Variants in MAGI2 observed in about 807,000 individuals in gnomAD.
The protein encoded by MAGI2 is membrane-associated guanylate kinase, WW and PDZ domain-containing protein 2.
MAGI2 carries 35 observed loss-of-function variants against 133.3 expected under a neutral mutation model. That is an observed-to-expected ratio of 0.26 (90% CI 0.20 to 0.35). MAGI2 has a LOEUF of 0.35. Among genes scored for constraint, MAGI2 ranks in the 10% least tolerant of loss-of-function variants. The pLI, the probability that MAGI2 is intolerant of heterozygous loss-of-function variation, is 1.00. For synonymous variants in MAGI2, 729 were observed against 710.6 expected (o/e 1.03, Z -0.41); for missense variants, 1,636 against 1,863.4 (o/e 0.88, Z 2.25).
rs866483395 is a variant in MAGI2, at chr7:78,616,616, G to T, written c.538+10504C>A. On this transcript the variant is annotated intron_variant, in intron 3 of 21. Coordinates refer to ENST00000354212, the MANE Select transcript of MAGI2 (RefSeq NM_012301.4). ...GTGAGAGGGAAACATGTGAGAGAAA[G>T]AGACTCACAATGTTAATGATGAGAA... 1.2e-4 allele frequency: 18 copies of T among 152,238 alleles called. 1 individual carries two copies. Among genetic ancestry groups the T allele is most frequent in the African/African-American group, 3.9e-4 (16 of 41,556 alleles). The allele number at this position is 152,238 out of a possible 1,614,324, so 9.4% of individuals were successfully genotyped here.
chr7:78,409,491 A>C (rs996906687), intron 6 of MAGI2, among the ~76,000 whole-genome samples: 1 of 152,128 alleles, frequency 6.6e-6, no homozygotes, highest in South Asian at 2.1e-4. Flanking sequence ...CAGTCTACTC[A>C]AAGCTAAATT....
chr7:79,379,296 A>AT (rs1159598588), intron 1 of MAGI2, among the ~76,000 whole-genome samples: 5 of 151,860 alleles, frequency 3.3e-5, no homozygotes, highest in African/African-American at 4.8e-5. Context: ...AGAATTCATC[A>AT]TTTTTTATGG....
chr7:78,210,137 T>A (rs1787628511), intron 10 of MAGI2, among the ~76,000 whole-genome samples: 1 of 152,356 alleles, frequency 6.6e-6, no homozygotes, highest in East Asian at 1.9e-4. Flanking sequence ...GTCATAATTT[T>A]AAAATTATTA....
At chr7:78,781,380 C>CA (rs748533885) in intron 2 of MAGI2, among the ~76,000 whole-genome samples, 27,729 of 101,022 alleles carry the variant, frequency 0.27, 4,064 homozygotes, top group East Asian at 0.42. Context: ...CTCCGTCTCA[C>CA]AAAAAAAAAA....
intron 9 of MAGI2, among the ~76,000 whole-genome samples, chr7:78,312,926 T>C (rs1798834933): frequency 6.6e-6 from 1 of 150,654 alleles, no homozygotes; most frequent in African/African-American, 2.4e-5. Flanking sequence ...TCTGCATATA[T>C]ATATATATTT....
chr7:78,051,114 C>T (rs1243988776), intron 21 of MAGI2, among the ~76,000 whole-genome samples: 5 of 152,212 alleles, frequency 3.3e-5, no homozygotes, highest in Admixed American at 3.3e-4. Flanking sequence ...GCCTGCCTGG[C>T]ATTTATTCTC....
chr7:78,881,559 C>T (rs1240429109), intron 2 of MAGI2, among the ~76,000 whole-genome samples: 2 of 151,972 alleles, frequency 1.3e-5, no homozygotes, highest in Non-Finnish European at 2.9e-5. Flanking sequence ...AACATGTACC[C>T]TAGAACTTAA....
At chr7:78,135,990 A>G (rs1265414678) in intron 16 of MAGI2, among the ~76,000 whole-genome samples, 6 of 152,250 alleles carry the variant, frequency 3.9e-5, no homozygotes, top group African/African-American at 1.2e-4. Flanking sequence ...ACTGCTAACT[A>G]AATAATGATG....
intron 9 of MAGI2, among the ~76,000 whole-genome samples, chr7:78,283,216 TTTTCTGAAA>T (rs1489912096): frequency 7.2e-5 from 11 of 152,102 alleles, no homozygotes; most frequent in African/African-American, 2.7e-4. Flanking sequence ...AGAGGAAAAG[TTTTCTGAAA>T]TTACGTATCT....
intron 1 of MAGI2, among the ~76,000 whole-genome samples, chr7:79,419,893 GA>G (rs55694475): frequency 0.15 from 22,845 of 151,944 alleles, 1,895 homozygotes; most frequent in East Asian, 0.29. Flanking sequence ...GGTAGCATGG[GA>G]AATACATTAT....
intron 2 of MAGI2, among the ~76,000 whole-genome samples, chr7:78,655,747 C>T (rs1270091126): frequency 1.3e-5 from 2 of 151,868 alleles, no homozygotes; most frequent in African/African-American, 2.4e-5. Flanking sequence ...TTTGGGAGGC[C>T]GAGGCGGGCG....
intron 1 of MAGI2, among the ~76,000 whole-genome samples, chr7:79,061,809 C>G (rs1813771199): frequency 2.0e-5 from 3 of 152,024 alleles, no homozygotes. Flanking sequence ...GCCATTCTGA[C>G]AAGTGAAGTC....
chr7:78,832,346 T>A (rs893351980), intron 2 of MAGI2, among the ~76,000 whole-genome samples: 1 of 152,204 alleles, frequency 6.6e-6, no homozygotes, highest in African/African-American at 2.4e-5. Context: ...ACCATGCAGT[T>A]TTTAAAGTAG....
chr7:78,957,578 CAAT>C (rs1468075542), intron 2 of MAGI2, among the ~76,000 whole-genome samples: 2 of 152,022 alleles, frequency 1.3e-5, no homozygotes, highest in African/African-American at 4.8e-5. Context: ...CTTTCTAAAA[CAAT>C]AATAGACCAA....
chr7:79,148,879 A>G (rs1252353216), intron 1 of MAGI2, among the ~76,000 whole-genome samples: 1 of 147,358 alleles, frequency 6.8e-6, no homozygotes, highest in East Asian at 2.0e-4. Flanking sequence ...TTATATACAT[A>G]TATATGTTTT....
At chr7:78,681,542 A>G (rs1815658584) in intron 2 of MAGI2, among the ~76,000 whole-genome samples, 1 of 152,146 alleles carries the variant, frequency 6.6e-6, no homozygotes, top group South Asian at 2.1e-4. Context: ...CCCAGATTAG[A>G]ACCAATAGAA....
intron 1 of MAGI2, among the ~76,000 whole-genome samples, chr7:79,178,476 C>A (rs937040987): frequency 6.6e-6 from 1 of 151,834 alleles, no homozygotes; most frequent in Non-Finnish European, 1.5e-5. Flanking sequence ...CTTTGGGAGG[C>A]CGAGATGTGT....
intron 1 of MAGI2, among the ~76,000 whole-genome samples, chr7:79,169,290 T>C (rs1825289942): frequency 6.6e-6 from 1 of 152,124 alleles, no homozygotes; most frequent in South Asian, 2.1e-4. Flanking sequence ...ATGTGCATTT[T>C]AATAGAATTA....
intron 1 of MAGI2, among the ~76,000 whole-genome samples, chr7:79,127,003 A>C (rs1378584624): frequency 2.4e-5 from 3 of 125,914 alleles, no homozygotes; most frequent in Non-Finnish European, 4.7e-5. Context: ...TCCTGTGTCC[A>C]TGTGTTCTCA....
Sources: gnomAD v4.1 joint callset for allele counts (sites outside exome capture counted in the v4.1 genomes callset) on GRCh38, gnomAD v4.1.1 for gene constraint, MANE v1.5 for transcripts, NCBI Gene and HGNC (gene_info 2026-07-23, HGNC 2026-07-21) for gene names.